TCF7L2: variants seen among roughly 807,000 people sequenced by gnomAD.
TCF7L2 encodes transcription factor 7 like 2.
Under a neutral mutation model 77.9 loss-of-function variants are expected in TCF7L2, and 23 were observed. The observed-to-expected ratio is 0.30, with a 90% CI of 0.21 to 0.42. TCF7L2 has a LOEUF of 0.42. Ranked by LOEUF, TCF7L2 falls within the 10% of genes least tolerant of loss-of-function variation. The pLI is 1.00. For missense variants in TCF7L2, 654 were observed against 793.1 expected, an observed-to-expected ratio of 0.82 and a Z score of 2.11; for synonymous variants, 413 against 340.2, an observed-to-expected ratio of 1.21 and a Z score of -2.36.
intron 5 of TCF7L2, among the ~76,000 whole-genome samples, chr10:113,099,657 C>G (rs7081841): frequency 0.33 from 49,585 of 152,200 alleles, 8,209 homozygotes; most frequent in Middle Eastern, 0.44. Flanking sequence ...CCCCCGAGCT[C>G]CCAGCTCAGT....
chr10:113,051,817 T>C (rs772114691), intron 5 of TCF7L2, among the ~76,000 whole-genome samples: 26 of 152,344 alleles, frequency 1.7e-4, no homozygotes, highest in Admixed American at 1.2e-3. Context: ...CTGTTTAACA[T>C]ACTCTTCTTT....
intron 3 of TCF7L2, among the ~76,000 whole-genome samples, chr10:112,953,250 TC>T (rs1017912673): frequency 6.6e-6 from 1 of 151,410 alleles, no homozygotes; most frequent in Non-Finnish European, 1.5e-5. Flanking sequence ...AAATAATTAT[TC>T]CCCCCCTGCC....
chr10:113,120,372 C>G (rs777311086), intron 5 of TCF7L2, among the ~76,000 whole-genome samples: 15 of 152,114 alleles, frequency 9.9e-5, no homozygotes, highest in Non-Finnish European at 7.3e-5. Context: ...TTTCTAAGAT[C>G]AGGTCAATGG....
At chr10:113,014,630 C>T (rs1464354925) in intron 4 of TCF7L2, among the ~76,000 whole-genome samples, 1 of 152,020 alleles carries the variant, frequency 6.6e-6, no homozygotes, top group Non-Finnish European at 1.5e-5. Flanking sequence ...ACTAAAAATA[C>T]ATAAATTAGC....
At position 112,993,361 on chromosome 10, in the gene TCF7L2, C is replaced by T. The variant is rs370584692; in HGVS notation, c.450+28737C>T. Among the ~76,000 whole-genome samples, 6 of 151,882 alleles carry T rather than the reference C, an allele frequency of 4.0e-5. No individual in the cohort carries two copies. In the South Asian group the frequency reaches 1.3e-3, roughly 32 times the overall value. On this transcript the variant is annotated intron_variant, in intron 4 of 13. Coordinates refer to ENST00000627217, the MANE Select transcript of TCF7L2 (RefSeq NM_001146274.2). ...TCTCTACTAAAAATACAAAAATTAG[C>T]TGGGTGTGGTCGTGGGCACCTGTAG...
intron 4 of TCF7L2, among the ~76,000 whole-genome samples, chr10:113,013,688 G>C (rs1055186389): frequency 2.0e-5 from 3 of 152,138 alleles, no homozygotes; most frequent in Non-Finnish European, 4.4e-5. Flanking sequence ...GCCCCTCCTT[G>C]GAAAGAACTT....
At chr10:113,142,782 A>G (rs1382480688) in intron 6 of TCF7L2, among the ~76,000 whole-genome samples, 1 of 152,192 alleles carries the variant, frequency 6.6e-6, no homozygotes, top group Non-Finnish European at 1.5e-5. Context: ...TACAGGGAAT[A>G]GCTTTTAAAT....
rs147440190 is a variant in TCF7L2, at chr10:113,074,314, C to T, written c.552+34188C>T. 2.1e-3 allele frequency among the ~76,000 whole-genome samples: 324 copies of T among 152,266 alleles called. 4 individuals carry two copies. Among genetic ancestry groups the T allele is most frequent in the African/African-American group, 7.5e-3 (313 of 41,550 alleles). On this transcript the variant is annotated intron_variant, in intron 5 of 13. Coordinates refer to ENST00000627217, the MANE Select transcript of TCF7L2 (RefSeq NM_001146274.2). ...GCTACCACCAGCCCACACCCCTCTT[C>T]CCGTTGTCCAAAAAGGGGGTGGTTA...
intron 4 of TCF7L2, among the ~76,000 whole-genome samples, chr10:113,008,627 AC>A (rs1257221319): frequency 6.6e-6 from 1 of 152,196 alleles, no homozygotes; most frequent in African/African-American, 2.4e-5. Flanking sequence ...CTTAATTAAC[AC>A]CTGTGAAATT....
At chr10:113,120,738 C>T (rs999147916) in intron 5 of TCF7L2, among the ~76,000 whole-genome samples, 4 of 152,134 alleles carry the variant, frequency 2.6e-5, no homozygotes, top group Non-Finnish European at 5.9e-5. Flanking sequence ...ATACCGATAG[C>T]GGAGTAGATT....
intron 4 of TCF7L2, among the ~76,000 whole-genome samples, chr10:112,991,898 A>G (rs777806091): frequency 6.6e-6 from 1 of 152,202 alleles, no homozygotes; most frequent in Non-Finnish European, 1.5e-5. Context: ...AATGAGCCAC[A>G]TACAGAGGTG....
intron 11 of TCF7L2, 57 bp downstream of exon 11, chr10:113,152,497 A>T: frequency 6.9e-7 from 1 of 1,448,488 alleles, no homozygotes; most frequent in Admixed American, 1.8e-5. Flanking sequence ...GTGCGTCTAT[A>T]CGGACAAAGA....
Position 113,166,465 on chromosome 10 carries a change from T to TC in TCF7L2, c.*493_*494insC, listed in dbSNP as rs1016578203. ...CAGTGCCGTTACTTTTTTTTTTTTT[T>TC]TCTGTGTGAAACAACTCTTATTGTG... On this transcript the variant is annotated 3_prime_UTR_variant, in exon 14 of 14. Coordinates refer to ENST00000627217, the MANE Select transcript of TCF7L2 (RefSeq NM_001146274.2). 1.3e-5 allele frequency: 3 copies of TC among 222,470 alleles called. No homozygotes were observed. Among genetic ancestry groups the TC allele is most frequent in the African/African-American group, 6.7e-5 (3 of 44,584 alleles). 13.8% of individuals were successfully genotyped at this position (222,470 alleles called of 1,614,324 possible).
intron 5 of TCF7L2, among the ~76,000 whole-genome samples, chr10:113,042,216 A>G (rs2052579403): frequency 6.6e-6 from 1 of 152,178 alleles, no homozygotes; most frequent in South Asian, 2.1e-4. Flanking sequence ...GATTTTGGCC[A>G]GGGGTGCAGC....
chr10:113,129,396 T>C, intron 5 of TCF7L2: 3 of 995,536 alleles, frequency 3.0e-6, no homozygotes, highest in Non-Finnish European at 3.6e-6. Context: ...GAGGGGACTT[T>C]GCTGAGGTGC....
chr10:113,029,528 T>G (rs1328031300), intron 4 of TCF7L2, among the ~76,000 whole-genome samples: 1 of 150,708 alleles, frequency 6.6e-6, no homozygotes. Context: ...ATTCCTCTTT[T>G]TTTTTTTTTT....
chr10:113,119,827 C>T lies in TCF7L2; in HGVS notation c.553-21357C>T, dbSNP rs182977702. ...TTATCTTCTGGCCTTTAGGGAAATG[C>T]GCTAAAACCCTAATATGTCCACTAC... On this transcript the variant is annotated intron_variant, in intron 5 of 13. Transcript: ENST00000627217. Among the ~76,000 whole-genome samples the T allele has an allele frequency of 1.8e-3, 269 of 152,188 alleles. 1 individual carries two copies. Among genetic ancestry groups the T allele is most frequent in the Middle Eastern group, 0.017 (5 of 294 alleles).
intron 5 of TCF7L2, among the ~76,000 whole-genome samples, chr10:113,088,290 C>T (rs958693771): frequency 2.0e-5 from 3 of 152,140 alleles, no homozygotes; most frequent in Non-Finnish European, 4.4e-5. Context: ...CAGCAGGCAC[C>T]TGCATGAGTT....
chr10:112,964,173 T>C (rs934196183), intron 3 of TCF7L2, among the ~76,000 whole-genome samples: 6 of 152,194 alleles, frequency 3.9e-5, no homozygotes, highest in African/African-American at 1.4e-4. Flanking sequence ...CTTGCCTACA[T>C]GTTGCAATTC....
Sources: gnomAD v4.1 joint callset for allele counts (sites outside exome capture counted in the v4.1 genomes callset) on GRCh38, gnomAD v4.1.1 for gene constraint, MANE v1.5 for transcripts, NCBI Gene and HGNC (gene_info 2026-07-23, HGNC 2026-07-21) for gene names.